Variants in BCAS3 observed in about 807,000 individuals in gnomAD.
BCAS3 encodes the protein BCAS4/BCAS3 fusion.
In BCAS3, 53 loss-of-function variants were observed where a neutral mutation model predicts 116.1. The ratio of observed to expected loss-of-function variants is 0.46; its 90% confidence interval spans 0.37 to 0.57. The LOEUF (loss-of-function observed/expected upper bound fraction) is 0.57, where lower values mean the gene tolerates loss of function less well. Among genes scored for constraint, BCAS3 ranks in the 20% least tolerant of loss-of-function variants. The probability of loss-of-function intolerance (pLI) is 0.00; values close to 1 mark genes in which losing one functional copy is unlikely to be tolerated. For missense variants in BCAS3, 917 were observed against 1,165.4 expected, an observed-to-expected ratio of 0.79 and a Z score of 3.10; for synonymous variants, 391 against 408.2, an observed-to-expected ratio of 0.96 and a Z score of 0.51.
At chr17:61,153,649 G>A (rs1278207311) in intron 22 of BCAS3, among the ~76,000 whole-genome samples, 6 of 152,172 alleles carry the variant, frequency 3.9e-5, no homozygotes, top group Admixed American at 3.3e-4. Flanking sequence ...CAGAACCCCA[G>A]AGGAAGGTCC....
In BCAS3 at chr17:61,084,824, G is replaced by GT. The variant is rs1308709420; in HGVS notation, c.2425+262dup. 1.3e-5 allele frequency among the ~76,000 whole-genome samples: 2 copies of GT among 152,198 alleles called. No individual in the cohort carries two copies. Among genetic ancestry groups the GT allele is most frequent in the Non-Finnish European group, 2.9e-5 (2 of 68,038 alleles). On this transcript the variant is annotated intron_variant, in intron 22 of 23. Transcript: ENST00000407086. The surrounding 1 kb of genome is among the most constrained non-coding windows in gnomAD (Gnocchi z 5.5). ...TGAACATAGTATTGAAGGCTACAGG[G>GT]TTGATGACTGTTTTGCCTTTGATCA...
At chr17:60,748,253 G>A (rs903514610) in intron 6 of BCAS3, among the ~76,000 whole-genome samples, 1 of 152,140 alleles carries the variant, frequency 6.6e-6, no homozygotes, top group Non-Finnish European at 1.5e-5. Context: ...GATTAATTTA[G>A]CAACTAAATC....
intron 22 of BCAS3, among the ~76,000 whole-genome samples, chr17:61,293,803 C>G (rs2052657287): frequency 1.3e-5 from 2 of 152,232 alleles, no homozygotes. Context: ...CTCTGTCACC[C>G]AGGCTGGAGT....
rs544168428 is a variant in BCAS3 at position 61,097,198 on chromosome 17, A to T, written c.2425+12634A>T. Among the ~76,000 whole-genome samples the T allele has an allele frequency of 6.6e-6, 1 of 152,046 alleles. No homozygotes were observed. Among genetic ancestry groups the T allele is most frequent in the East Asian group, 1.9e-4 (1 of 5,196 alleles). On this transcript the variant is annotated intron_variant, in intron 22 of 23. Transcript: ENST00000407086. This position sits in a 1 kb window ranked among gnomAD's most constrained non-coding sequence, Gnocchi z 4.0. ...TTGTTTTTTTCTTTTTTCTTTTTTGAGACTGAGTCTCGCTCTGTCACCCAG... is the reference window on the plus strand; with the variant it reads ...TTGTTTTTTTCTTTTTTCTTTTTTGTGACTGAGTCTCGCTCTGTCACCCAG...
rs898575597 is a variant in BCAS3, at chr17:61,327,511, T to A, written c.2426-40816T>A. On this transcript the variant is annotated intron_variant, in intron 22 of 23. Coordinates refer to ENST00000407086, the MANE Select transcript of BCAS3 (RefSeq NM_017679.5). This position sits in a 1 kb window ranked among gnomAD's most constrained non-coding sequence, Gnocchi z 5.9. ...GGAGCAAATAGAAAATGAAGCAAAA[T>A]TTTTTTTTTTTTAGACAGAGTCTCA... Among the ~76,000 whole-genome samples the A allele has an allele frequency of 2.1e-5, 3 of 143,568 alleles. No individual in the cohort carries two copies. The highest frequency in any genetic ancestry group is 3.1e-5 in the Non-Finnish European group (2 of 65,348). The allele number at this position is 143,568 out of a possible 152,430, so 94.2% of individuals were successfully genotyped here. A position where few individuals can be genotyped will look rare whatever the true frequency, so the allele number is the denominator to read the frequency against.
chr17:61,015,678 C>A, intron 15 of BCAS3, 73 bp from the exon 16 acceptor site: 3 of 1,477,430 alleles, frequency 2.0e-6, no homozygotes, highest in Non-Finnish European at 9.4e-7. Context: ...TCAGTGAAAA[C>A]CCTATCGGAG....
chr17:60,931,910 A>G (rs1023761567), intron 13 of BCAS3, among the ~76,000 whole-genome samples: 3 of 151,966 alleles, frequency 2.0e-5, no homozygotes, highest in African/African-American at 7.3e-5. Flanking sequence ...CTGTCTCTAC[A>G]AAAAATACAA....
At chr17:60,892,607 C>T (rs1404512854) in intron 10 of BCAS3, among the ~76,000 whole-genome samples, 1 of 151,754 alleles carries the variant, frequency 6.6e-6, no homozygotes, top group East Asian at 2.0e-4. Flanking sequence ...CAGCGTCCGG[C>T]CGTTTTTGGC....
chr17:61,163,329 C>T (rs1282023280), intron 22 of BCAS3, among the ~76,000 whole-genome samples: 1 of 150,946 alleles, frequency 6.6e-6, no homozygotes, highest in Non-Finnish European at 1.5e-5. Flanking sequence ...GAGGCTGAGG[C>T]AGGAGAATGG....
At chr17:60,930,169 C>T (rs1337978706) in intron 13 of BCAS3, among the ~76,000 whole-genome samples, 1 of 152,158 alleles carries the variant, frequency 6.6e-6, no homozygotes, top group East Asian at 1.9e-4. Flanking sequence ...TTTACCCATA[C>T]ATGTAACCAT....
chr17:60,837,782 T>G (rs1234484044), intron 7 of BCAS3, among the ~76,000 whole-genome samples: 1 of 151,844 alleles, frequency 6.6e-6, no homozygotes, highest in Non-Finnish European at 1.5e-5. Flanking sequence ...GCCTCCCAAG[T>G]AGCTGGGAAC....
intron 22 of BCAS3, among the ~76,000 whole-genome samples, chr17:61,320,632 C>T (rs544203559): frequency 9.3e-5 from 14 of 151,148 alleles, no homozygotes; most frequent in African/African-American, 2.7e-4. Context: ...GCCGAGATTG[C>T]GCCACTGCAC....
At chr17:60,789,527 A>G (rs73316765) in intron 6 of BCAS3, among the ~76,000 whole-genome samples, 6,697 of 152,276 alleles carry the variant, frequency 0.044, 544 homozygotes, top group African/African-American at 0.15. Context: ...AAAAGGATTT[A>G]GCATAAAAGG....
intron 22 of BCAS3, among the ~76,000 whole-genome samples, chr17:61,253,586 G>A (rs1286102902): frequency 2.6e-5 from 4 of 151,816 alleles, no homozygotes; most frequent in Non-Finnish European, 4.4e-5. Context: ...TAGGCATGGC[G>A]TATGAGCTCT....
intron 5 of BCAS3, among the ~76,000 whole-genome samples, chr17:60,728,113 T>G (rs1841846670): frequency 1.3e-5 from 2 of 151,952 alleles, no homozygotes. Context: ...CCGGCCTGGT[T>G]TTTGGTGGTA....
chr17:61,336,359 G>T (rs2056722476), intron 22 of BCAS3, among the ~76,000 whole-genome samples: 1 of 152,130 alleles, frequency 6.6e-6, no homozygotes, highest in Non-Finnish European at 1.5e-5. Context: ...CACCTCTTCT[G>T]CCTTTAGTTC....
Position 61,089,823 on chromosome 17 carries a change from C to T in BCAS3, c.2425+5259C>T, listed in dbSNP as rs148822934. On this transcript the variant is annotated intron_variant, in intron 22 of 23. Coordinates refer to ENST00000407086, the MANE Select transcript of BCAS3 (RefSeq NM_017679.5). ...CTGGGATTACAGGCATGAACCACCG[C>T]GCCCAACCTGGGGGAAGAGTATTCT... 3.1e-3 allele frequency among the ~76,000 whole-genome samples: 471 copies of T among 151,226 alleles called. 2 individuals carry two copies. The highest frequency in any genetic ancestry group is 0.01 in the Middle Eastern group (3 of 286).
intron 22 of BCAS3, among the ~76,000 whole-genome samples, chr17:61,267,724 G>GA (rs969764232): frequency 0.021 from 2,474 of 116,746 alleles, 76 homozygotes; most frequent in African/African-American, 0.067. Context: ...TCCGTCTCCA[G>GA]AAAAAAAAAA....
At chr17:61,039,545 C>T (rs1395373178) in intron 18 of BCAS3, among the ~76,000 whole-genome samples, 4 of 152,076 alleles carry the variant, frequency 2.6e-5, no homozygotes, top group African/African-American at 9.7e-5. Flanking sequence ...ACCTCAGCCT[C>T]CTGAGTAGCT....
Sources: allele counts gnomAD v4.1 joint callset (sites outside exome capture counted in the v4.1 genomes callset), GRCh38; gene constraint gnomAD v4.1.1; non-coding constraint Gnocchi (gnomAD v3.1); transcripts MANE v1.5; gene names NCBI Gene and HGNC (gene_info 2026-07-23, HGNC 2026-07-21).